SHISA9: variants seen among roughly 807,000 people sequenced by gnomAD.
The protein encoded by SHISA9 is protein shisa-9.
A neutral mutation model predicts 38.0 loss-of-function variants in SHISA9; 13 were observed. That is an observed-to-expected ratio of 0.34 (90% confidence interval 0.22 to 0.54). The LOEUF (loss-of-function observed/expected upper bound fraction) is 0.54. Ranked by LOEUF, SHISA9 falls within the 20% of genes least tolerant of loss-of-function variation. SHISA9 has a pLI of 0.91. For missense variants in SHISA9, 538 were observed against 575.8 expected, an observed-to-expected ratio of 0.93 and a Z score of 0.67; for synonymous variants, 275 against 242.0, an observed-to-expected ratio of 1.14 and a Z score of -1.27.
chr16:13,214,344 G>A (rs758222471), intron 4 of SHISA9, among the ~76,000 whole-genome samples: 1 of 152,112 alleles, frequency 6.6e-6, no homozygotes, highest in Non-Finnish European at 1.5e-5. Flanking sequence ...TGGGATTACA[G>A]GCACATGCCA....
chr16:13,053,945 G>A (rs964051619), intron 2 of SHISA9, among the ~76,000 whole-genome samples: 7 of 152,152 alleles, frequency 4.6e-5, no homozygotes, highest in African/African-American at 1.2e-4. Context: ...CCCCAGAGTC[G>A]GTATCCTTGA....
the SHISA9 span, among the ~76,000 whole-genome samples, chr16:13,401,828 C>T: frequency 2.6e-5 from 4 of 152,170 alleles, no homozygotes; most frequent in African/African-American, 7.2e-5. Context: ...TTAATGGACT[C>T]ACCGTCCCGC....
At chr16:13,370,469 G>C in the SHISA9 span, among the ~76,000 whole-genome samples, 1 of 152,182 alleles carries the variant, frequency 6.6e-6, no homozygotes, top group Non-Finnish European at 1.5e-5. Context: ...TGAAATTAAA[G>C]AAAGTTCCGT....
Position 13,197,951 on chromosome 16 carries a change from A to C in SHISA9, c.692-5443A>C, listed in dbSNP as rs2050964058. On this transcript the variant is annotated intron_variant, in intron 2 of 4. Transcript: ENST00000558583. ...TGTAAGCCCAGCACTTTGGGAGGCCAAGGCGGGCAGATCACCTGAGGTCAG... is the reference window on the plus strand; with the variant it reads ...TGTAAGCCCAGCACTTTGGGAGGCCCAGGCGGGCAGATCACCTGAGGTCAG... Among the ~76,000 whole-genome samples, 5 of 152,094 alleles carry C rather than the reference A, an allele frequency of 3.3e-5. No homozygotes were observed. The South Asian group carries it at 1.0e-3, about 32-fold the overall frequency.
intron 2 of SHISA9, among the ~76,000 whole-genome samples, chr16:12,977,895 G>T (rs2072186225): frequency 6.6e-6 from 1 of 151,982 alleles, no homozygotes; most frequent in East Asian, 1.9e-4. Context: ...GTAACGAGAT[G>T]ATTTGTACAG....
In SHISA9 at chr16:13,130,733, A is replaced by G. The variant is rs370804324; in HGVS notation, c.692-72661A>G. On this transcript the variant is annotated intron_variant, in intron 2 of 4. Coordinates refer to ENST00000558583, the MANE Select transcript of SHISA9 (RefSeq NM_001145204.3). ...TATTTTAGACTTTGTGTACCATGCA[A>G]TCTCTGTTCAACCCCTCAACCCTGC... Among the ~76,000 whole-genome samples the G allele has an allele frequency of 2.6e-5, 4 of 152,290 alleles. No individual in the cohort carries two copies. In the East Asian group the frequency reaches 5.8e-4, roughly 22 times the overall value.
chr16:13,276,543 A>G, the SHISA9 span, among the ~76,000 whole-genome samples: 1 of 152,096 alleles, frequency 6.6e-6, no homozygotes, highest in Non-Finnish European at 1.5e-5. Context: ...GCAATGTAGT[A>G]GTGTTCCCTG....
the SHISA9 span, among the ~76,000 whole-genome samples, chr16:13,356,291 C>T: frequency 1.8e-3 from 273 of 152,232 alleles, 1 homozygote; most frequent in African/African-American, 6.1e-3. Context: ...GAGAATAAGA[C>T]GGCCTTTTGC....
chr16:13,448,737 T>A, the SHISA9 span, among the ~76,000 whole-genome samples: 1 of 152,256 alleles, frequency 6.6e-6, no homozygotes, highest in Admixed American at 6.5e-5. Context: ...TCAGAGTGAA[T>A]ACCAAACAGA....
chr16:13,457,997 C>T, the SHISA9 span, among the ~76,000 whole-genome samples: 5 of 150,368 alleles, frequency 3.3e-5, no homozygotes, highest in African/African-American at 1.2e-4. Context: ...TTCTTCCTTC[C>T]TTCTTCAATT....
chr16:13,304,725 C>T, the SHISA9 span, among the ~76,000 whole-genome samples: 1 of 152,212 alleles, frequency 6.6e-6, no homozygotes, highest in Non-Finnish European at 1.5e-5. Flanking sequence ...TTAGTCCCAT[C>T]TCACAGATGG....
the SHISA9 span, among the ~76,000 whole-genome samples, chr16:13,313,448 A>G: frequency 6.6e-6 from 1 of 152,214 alleles, no homozygotes; most frequent in African/African-American, 2.4e-5. Context: ...CAGGAAATCA[A>G]CAGATAATTC....
chr16:13,494,962 A>G, the SHISA9 span, among the ~76,000 whole-genome samples: 1 of 152,254 alleles, frequency 6.6e-6, no homozygotes, highest in Non-Finnish European at 1.5e-5. Context: ...GCCTTGCAAA[A>G]TAAGTCAATC....
chr16:12,935,844 G>C (rs975933489), intron 2 of SHISA9, among the ~76,000 whole-genome samples: 3 of 103,482 alleles, frequency 2.9e-5, no homozygotes, highest in Admixed American at 2.3e-4. Flanking sequence ...ACAAGAGCCT[G>C]TCTCAAAAAG....
At chr16:13,421,859 G>A in the SHISA9 span, among the ~76,000 whole-genome samples, 4 of 152,284 alleles carry the variant, frequency 2.6e-5, no homozygotes, top group East Asian at 1.9e-4. Context: ...CCCAGGTTGG[G>A]GTAAATGCTT....
chr16:13,266,332 T>C, the SHISA9 span, among the ~76,000 whole-genome samples: 1 of 152,212 alleles, frequency 6.6e-6, no homozygotes, highest in Non-Finnish European at 1.5e-5. Flanking sequence ...GATTTCCCTC[T>C]TTGGAAAGAT....
chr16:12,998,452 G>T (rs943058876), intron 2 of SHISA9, among the ~76,000 whole-genome samples: 1 of 152,192 alleles, frequency 6.6e-6, no homozygotes, highest in East Asian at 1.9e-4. Context: ...AAGGTTCACA[G>T]ACTTTCTTTA....
At chr16:12,947,236 G>T (rs2071700171) in intron 2 of SHISA9, among the ~76,000 whole-genome samples, 1 of 152,064 alleles carries the variant, frequency 6.6e-6, no homozygotes, top group African/African-American at 2.4e-5. Context: ...CCTGGAAAAA[G>T]GTATATGACT....
At chr16:13,406,097 C>T in the SHISA9 span, among the ~76,000 whole-genome samples, 2 of 152,130 alleles carry the variant, frequency 1.3e-5, no homozygotes, top group Non-Finnish European at 2.9e-5. Flanking sequence ...ACTCTGCATC[C>T]AACAGCGTCT....
Sources: allele counts gnomAD v4.1 joint callset (sites outside exome capture counted in the v4.1 genomes callset), GRCh38; gene constraint gnomAD v4.1.1; transcripts MANE v1.5; gene names NCBI Gene and HGNC (gene_info 2026-07-23, HGNC 2026-07-21).